CGB7: variants seen among roughly 807,000 people sequenced by gnomAD.
CGB7 encodes chorionic gonadotropin subunit beta 7, also known as choriogonadotropin subunit beta 7.
In CGB7, 6 loss-of-function variants were observed where a neutral mutation model predicts 7.3. The ratio of observed to expected loss-of-function variants is 0.82; its 90% CI spans 0.45 to 1.62. The LOEUF (loss-of-function observed/expected upper bound fraction) is 1.62. CGB7 is among the 40% of genes most tolerant of loss of function. The pLI is 0.01. For missense variants in CGB7, 114 were observed against 236.2 expected, an observed-to-expected ratio of 0.48 and a Z score of 3.39; for synonymous variants, 47 against 100.8, an observed-to-expected ratio of 0.47 and a Z score of 3.20.
chr19:49,057,153 G>T lies in CGB7; in HGVS notation c.-1253C>A. 6.5e-7 allele frequency: 1 copy of T among 1,534,338 alleles called. No homozygotes were observed. On this transcript the variant is annotated 5_prime_UTR_variant, in exon 2 of 5. Transcript: ENST00000684222. ...AGAACCGAAAGTCCCGCGCCGAGGT[G>T]GTCAGATAGAGCTGGCGGCGGTTCA...
rs2040076236 is a variant in CGB7, at chr19:49,057,148, G to A, written c.-1248C>T. 1 of 1,534,160 alleles carries A rather than the reference G, an allele frequency of 6.5e-7. No individual in the cohort carries two copies. Among genetic ancestry groups the A allele is most frequent in the African/African-American group, 1.4e-5 (1 of 72,964 alleles). On this transcript the variant is annotated 5_prime_UTR_variant, in exon 2 of 5. Coordinates refer to ENST00000684222, the MANE Select transcript of CGB7 (RefSeq NM_001385261.1). ...GGGATAGAACCGAAAGTCCCGCGCC[G>A]AGGTGGTCAGATAGAGCTGGCGGCG... is the stretch of plus-strand genomic sequence containing the variant.
intron 1 of CGB7, 23 bp from the exon 2 acceptor site, chr19:49,057,271 G>T: frequency 6.6e-7 from 1 of 1,525,784 alleles, no homozygotes; most frequent in Non-Finnish European, 8.8e-7. Flanking sequence ...GGGGGAGGAG[G>T]CATACCCAAG....
At position 49,055,748 on chromosome 19, in the gene CGB7, C is replaced by G; in HGVS notation, c.-373G>C. 1 of 1,194,352 alleles carries G rather than the reference C, an allele frequency of 8.4e-7. No homozygotes were observed. Among genetic ancestry groups the G allele is most frequent in the Admixed American group, 3.7e-5 (1 of 27,062 alleles). 74.0% of individuals were successfully genotyped at this position (1,194,352 alleles called of 1,614,324 possible). A position where few individuals can be genotyped will look rare whatever the true frequency, so the allele number is the denominator to read the frequency against. ...CCCGAGAAAGGTGCTGGACTGAAGCCTCAACCCTCCTCTACTTGAGCCATT... is the reference window on the plus strand; with the variant it reads ...CCCGAGAAAGGTGCTGGACTGAAGCGTCAACCCTCCTCTACTTGAGCCATT... On this transcript the variant is annotated 5_prime_UTR_variant, in exon 3 of 5. Coordinates refer to ENST00000684222, the MANE Select transcript of CGB7 (RefSeq NM_001385261.1).
intron 3 of CGB7, 64 bp from the exon 4 acceptor site, chr19:49,055,072 C>G: frequency 6.2e-7 from 1 of 1,600,412 alleles, no homozygotes; most frequent in Non-Finnish European, 8.5e-7. Flanking sequence ...GCCTTCCCAT[C>G]CCCCAGGGTA....
In CGB7 at chr19:49,056,135, T is replaced by C. The variant is rs1472930905; in HGVS notation, c.-760A>G. ...TGAGTGGGCGTGTCTGGGCTAGTCC[T>C]GTCCCCACACTGCGGATAGACTTAA... On this transcript the variant is annotated 5_prime_UTR_variant, in exon 3 of 5. Coordinates refer to ENST00000684222, the MANE Select transcript of CGB7 (RefSeq NM_001385261.1). 2.5e-6 allele frequency: 3 copies of C among 1,208,926 alleles called. No homozygotes were observed. The highest frequency in any genetic ancestry group is 3.2e-6 in the Non-Finnish European group (3 of 946,922). 74.9% of individuals were successfully genotyped at this position (1,208,926 alleles called of 1,614,324 possible). A position where few individuals can be genotyped will look rare whatever the true frequency, so the allele number is the denominator to read the frequency against.
rs2040049928 is a variant in CGB7 at position 49,055,613 on chromosome 19, T to C, written c.-238A>G. 6.9e-7 allele frequency: 1 copy of C among 1,443,512 alleles called. No individual in the cohort carries two copies. Among genetic ancestry groups the C allele is most frequent in the South Asian group, 1.4e-5 (1 of 69,440 alleles). 89.4% of individuals were successfully genotyped at this position (1,443,512 alleles called of 1,614,324 possible). A position where few individuals can be genotyped will look rare whatever the true frequency, so the allele number is the denominator to read the frequency against. On this transcript the variant is annotated 5_prime_UTR_variant, in exon 3 of 5. Transcript: ENST00000684222. Reference sequence around the variant, plus strand: ...ACCACGGTGAAGTGACCTCTGAGACTCAGTCGTCGAGTGCTAGGGACTAGT... The same window carrying C: ...ACCACGGTGAAGTGACCTCTGAGACCCAGTCGTCGAGTGCTAGGGACTAGT...
In CGB7 at chr19:49,056,447, G is replaced by A. The variant is rs989745553; in HGVS notation, c.-1072C>T. 1 of 1,298,816 alleles carries A rather than the reference G, an allele frequency of 7.7e-7. No homozygotes were observed. 80.5% of individuals were successfully genotyped at this position (1,298,816 alleles called of 1,614,324 possible). ...CGAGGAGCTGTAGGTTTCCTGAGCC[G>A]GAGACATGGCCCGCCGTGCGGCGCT... is the stretch of plus-strand genomic sequence containing the variant. On this transcript the variant is annotated 5_prime_UTR_variant, in exon 3 of 5. Transcript: ENST00000684222.
intron 2 of CGB7, 94 bp downstream of exon 2, chr19:49,057,027 C>T (rs1002492591): frequency 2.1e-5 from 28 of 1,329,060 alleles, no homozygotes; most frequent in Admixed American, 1.8e-4. Flanking sequence ...CTGAGACCAC[C>T]GGTCAGGGAA....
At chr19:49,056,801 G>T (rs2040070929) in intron 2 of CGB7, among the ~76,000 whole-genome samples, 1 of 152,184 alleles carries the variant, frequency 6.6e-6, no homozygotes, top group African/African-American at 2.4e-5. Context: ...CGCATCCTAG[G>T]GAAGGAAACG....
chr19:49,054,874 G>A lies in CGB7; in HGVS notation c.150C>T (p.Asn50=), dbSNP rs541326444. 9 of 1,590,364 alleles carry A rather than the reference G, an allele frequency of 5.7e-6. No homozygotes were observed. The Admixed American group carries it at 1.4e-4, about 24-fold the overall frequency. Residue 50 remains asparagine, a synonymous_variant, in exon 4 of 5, where the codon AAC becomes AAT. Transcript: ENST00000684222. ...GGCAGTAGCCGGCACAGATGGTGGT[G>A]TTGACGGTGATGCACACGGGGCAGC... is the stretch of plus-strand genomic sequence containing the variant. ...KEGCPVCITV[N]TTICAGYCPT...
At position 49,055,685 on chromosome 19, in the gene CGB7, C is replaced by T; in HGVS notation, c.-310G>A. 7.5e-7 allele frequency: 1 copy of T among 1,328,484 alleles called. No individual in the cohort carries two copies. Among genetic ancestry groups the T allele is most frequent in the African/African-American group, 1.5e-5 (1 of 67,780 alleles). 82.3% of individuals were successfully genotyped at this position (1,328,484 alleles called of 1,614,324 possible). A position where few individuals can be genotyped will look rare whatever the true frequency, so the allele number is the denominator to read the frequency against. On this transcript the variant is annotated 5_prime_UTR_variant, in exon 3 of 5. Coordinates refer to ENST00000684222, the MANE Select transcript of CGB7 (RefSeq NM_001385261.1). ...TAGGGTGTAGGAAGGCCTGCCTCTG[C>T]CTATGGTGGGGTCTTGGGAACCAGG...
In CGB7 at chr19:49,056,387, G is replaced by T; in HGVS notation, c.-1012C>A. Reference sequence around the variant, plus strand: ...GGGGCCACCCCAAGTCGCCTCCAGCGGGCGGAAGCGGTCGAGCCGGCGGAG... The same window carrying T: ...GGGGCCACCCCAAGTCGCCTCCAGCTGGCGGAAGCGGTCGAGCCGGCGGAG... On this transcript the variant is annotated 5_prime_UTR_variant, in exon 3 of 5. Coordinates refer to ENST00000684222, the MANE Select transcript of CGB7 (RefSeq NM_001385261.1). 1.5e-6 allele frequency: 2 copies of T among 1,295,630 alleles called. No individual in the cohort carries two copies. Among genetic ancestry groups the T allele is most frequent in the South Asian group, 1.2e-5 (1 of 81,888 alleles). 80.3% of individuals were successfully genotyped at this position (1,295,630 alleles called of 1,614,324 possible).
At position 49,055,843 on chromosome 19, in the gene CGB7, T is replaced by A. The variant is rs3810178; in HGVS notation, c.-468A>T. The A allele has an allele frequency of 9.3e-6, 10 of 1,071,306 alleles. No individual in the cohort carries two copies. In the African/African-American group the frequency reaches 1.7e-4, roughly 18 times the overall value. 66.4% of individuals were successfully genotyped at this position (1,071,306 alleles called of 1,614,324 possible). A position where few individuals can be genotyped will look rare whatever the true frequency, so the allele number is the denominator to read the frequency against. On this transcript the variant is annotated 5_prime_UTR_variant, in exon 3 of 5. Coordinates refer to ENST00000684222, the MANE Select transcript of CGB7 (RefSeq NM_001385261.1). ...TTAGCTTCTGCCCAGTGAGAGAGGG[T>A]CTCCCCGTGACTGTGCTGCCAGGGA... is the stretch of plus-strand genomic sequence containing the variant.
Position 49,055,591 on chromosome 19 carries a change from A to T in CGB7, c.-216T>A. 1 of 1,470,652 alleles carries T rather than the reference A, an allele frequency of 6.8e-7. No homozygotes were observed. The highest frequency in any genetic ancestry group is 1.4e-5 in the South Asian group (1 of 72,296). 91.1% of individuals were successfully genotyped at this position (1,470,652 alleles called of 1,614,324 possible). On this transcript the variant is annotated 5_prime_UTR_variant, in exon 3 of 5. Transcript: ENST00000684222. ...TAGCGCCAAGGATGAGGCGGAGACC[A>T]CGGTGAAGTGACCTCTGAGACTCAG...
intron 2 of CGB7, among the ~76,000 whole-genome samples, 178 bp from the exon 3 acceptor site, chr19:49,056,773 T>A (rs1170088866): frequency 6.6e-6 from 1 of 152,128 alleles, no homozygotes. Context: ...GTACTTAACG[T>A]CCTGGAAGCT....
At position 49,056,582 on chromosome 19, in the gene CGB7, CG is replaced by C. The variant is rs1194015325; in HGVS notation, c.-1208del. The C allele has an allele frequency of 1.5e-6, 2 of 1,291,592 alleles. No homozygotes were observed. The highest frequency in any genetic ancestry group is 3.0e-5 in the African/African-American group (2 of 65,942). The allele number at this position is 1,291,592 out of a possible 1,614,324, so 80.0% of individuals were successfully genotyped here. A position where few individuals can be genotyped will look rare whatever the true frequency, so the allele number is the denominator to read the frequency against. On this transcript the variant is annotated 5_prime_UTR_variant, in exon 3 of 5. Transcript: ENST00000684222. ...GTCAGGTAGTCCTTGCGGGGGTATC[CG>C]GACGGCTCCGTCCTGTGGGAGCAGG...
At chr19:49,057,073 A>T (rs1450673923) in intron 2 of CGB7, 48 bp downstream of exon 2, 3 of 1,522,096 alleles carry the variant, frequency 2.0e-6, no homozygotes, top group East Asian at 2.5e-5. Context: ...TGCACCGGCC[A>T]TGGCGGGGGC....
chr19:49,057,349 C>T, intron 1 of CGB7, 101 bp from the exon 2 acceptor site: 3 of 1,445,824 alleles, frequency 2.1e-6, no homozygotes, highest in Non-Finnish European at 2.7e-6. Context: ...TCGGCCTCGA[C>T]AGCCATGACG....
In CGB7 at chr19:49,054,284, G is replaced by T. The variant is rs756673389; in HGVS notation, c.*7C>A. 78 of 1,606,094 alleles carry T rather than the reference G, an allele frequency of 4.9e-5. 2 individuals carry two copies. The South Asian group carries it at 8.5e-4, about 17-fold the overall frequency. ...AAGACACCGCCAGAGTGCGGATTGA[G>T]AAGCCTTTATTGTGGGAGGATCGGG... On this transcript the variant is annotated 3_prime_UTR_variant, in exon 5 of 5. Transcript: ENST00000684222.
Sources: allele counts gnomAD v4.1 joint callset (sites outside exome capture counted in the v4.1 genomes callset), GRCh38; gene constraint gnomAD v4.1.1; transcripts MANE v1.5; gene names NCBI Gene and HGNC (gene_info 2026-07-23, HGNC 2026-07-21).